The following OR9Q1 variants were observed in gnomAD, a reference collection of about 807,000 sequenced individuals.
OR9Q1 encodes the protein olfactory receptor 9Q1.
For missense variants in OR9Q1, 374 were observed against 378.8 expected (o/e 0.99, Z 0.11); for synonymous variants, 153 against 148.6 (o/e 1.03, Z -0.22).
chr11:58,111,698 G>T (rs1678056860), intron 2 of OR9Q1, among the ~76,000 whole-genome samples: 1 of 152,038 alleles, frequency 6.6e-6, no homozygotes, highest in Non-Finnish European at 1.5e-5. Context: ...CCTTCAGCCT[G>T]GGTTGCAGTT....
chr11:58,079,090 G>A (rs958426310), intron 2 of OR9Q1, among the ~76,000 whole-genome samples: 4 of 152,172 alleles, frequency 2.6e-5, no homozygotes, highest in South Asian at 2.1e-4. Context: ...TTTATTCTAC[G>A]TCAATGCATG....
At chr11:58,118,520 G>A (rs2120126223) in intron 2 of OR9Q1, 1 of 1,605,030 alleles carries the variant, frequency 6.2e-7, no homozygotes. Flanking sequence ...AGGGACACCT[G>A]GAGTCTCCTA....
intron 2 of OR9Q1, among the ~76,000 whole-genome samples, chr11:58,139,551 G>A (rs992353215): frequency 1.3e-4 from 20 of 151,382 alleles, no homozygotes; most frequent in Admixed American, 1.3e-4. Flanking sequence ...TTTTGTCTTT[G>A]CGATAGTTTG....
chr11:58,080,306 G>A (rs1853576066), intron 2 of OR9Q1, among the ~76,000 whole-genome samples: 1 of 151,970 alleles, frequency 6.6e-6, no homozygotes, highest in Admixed American at 6.6e-5. Context: ...TCCATGTTGC[G>A]GCAAGGGACA....
chr11:58,119,395 A>G, intron 2 of OR9Q1: 1 of 1,613,786 alleles, frequency 6.2e-7, no homozygotes, highest in Non-Finnish European at 8.5e-7. Context: ...GTGGTCCATA[A>G]AGCCCATGAG....
At chr11:58,138,053 C>T (rs1403029184) in intron 2 of OR9Q1, among the ~76,000 whole-genome samples, 1 of 152,276 alleles carries the variant, frequency 6.6e-6, no homozygotes, top group Non-Finnish European at 1.5e-5. Flanking sequence ...TGGCAGCACC[C>T]ACACTTGAAT....
chr11:58,138,558 T>C (rs1046840360), intron 2 of OR9Q1, among the ~76,000 whole-genome samples: 4 of 152,232 alleles, frequency 2.6e-5, no homozygotes, highest in Non-Finnish European at 4.4e-5. Flanking sequence ...GCACACAGCA[T>C]GCTGTTTCCA....
At chr11:58,063,973 G>C (rs1014305145) in intron 2 of OR9Q1, among the ~76,000 whole-genome samples, 4 of 152,152 alleles carry the variant, frequency 2.6e-5, no homozygotes, top group African/African-American at 9.7e-5. Context: ...CCTAGCCTGG[G>C]TTATAAATCT....
At chr11:58,083,824 G>T (rs1032070354) in intron 2 of OR9Q1, among the ~76,000 whole-genome samples, 2 of 151,918 alleles carry the variant, frequency 1.3e-5, no homozygotes, top group African/African-American at 4.8e-5. Flanking sequence ...CTATGTGTCT[G>T]GTTTTGTACC....
chr11:58,150,427 C>T (rs1409662231), intron 2 of OR9Q1, among the ~76,000 whole-genome samples: 1 of 152,058 alleles, frequency 6.6e-6, no homozygotes, highest in Admixed American at 6.6e-5. Context: ...GAGACCTTGC[C>T]TCTACAAAAA....
Position 58,180,408 on chromosome 11 carries a change from C to A in OR9Q1, c.*31C>A. The A allele has an allele frequency of 2.1e-6, 3 of 1,404,486 alleles. No individual in the cohort carries two copies. The highest frequency in any genetic ancestry group is 2.9e-6 in the Non-Finnish European group (3 of 1,020,732). 87.0% of individuals were successfully genotyped at this position (1,404,486 alleles called of 1,614,324 possible). A position where few individuals can be genotyped will look rare whatever the true frequency, so the allele number is the denominator to read the frequency against. On this transcript the variant is annotated 3_prime_UTR_variant, in exon 3 of 3. Transcript: ENST00000335397. ...TCCAAACTTGGAAAATCCCGAGAAC[C>A]ACCTACTCTGTAGTGTCAGAATTCT... is the stretch of plus-strand genomic sequence containing the variant.
chr11:58,124,914 C>T (rs1296819545), intron 2 of OR9Q1, among the ~76,000 whole-genome samples: 1 of 152,024 alleles, frequency 6.6e-6, no homozygotes, highest in Non-Finnish European at 1.5e-5. Context: ...TACAATGATC[C>T]TACAAAAAAG....
chr11:58,113,684 C>T (rs1207134874), intron 2 of OR9Q1, among the ~76,000 whole-genome samples: 1 of 152,058 alleles, frequency 6.6e-6, no homozygotes. Flanking sequence ...AACTATTGTC[C>T]CCTGCACTTG....
intron 2 of OR9Q1, among the ~76,000 whole-genome samples, chr11:58,067,063 G>T (rs1054408334): frequency 6.7e-6 from 1 of 148,722 alleles, no homozygotes; most frequent in South Asian, 2.1e-4. Flanking sequence ...ACAGAGTCTC[G>T]TTCTGTCGCC....
At chr11:58,168,075 C>T (rs1854522036) in intron 2 of OR9Q1, among the ~76,000 whole-genome samples, 3 of 152,316 alleles carry the variant, frequency 2.0e-5, no homozygotes, top group East Asian at 1.9e-4. Flanking sequence ...TTTTATTGGA[C>T]TTGAATTAAA....
At chr11:58,088,050 AG>A (rs577292914) in intron 2 of OR9Q1, among the ~76,000 whole-genome samples, 1 of 151,808 alleles carries the variant, frequency 6.6e-6, no homozygotes, top group South Asian at 2.1e-4. Flanking sequence ...TGTAGAGGCC[AG>A]GCTGGTTTCG....
chr11:58,133,455 G>T (rs1202520278), intron 2 of OR9Q1, among the ~76,000 whole-genome samples: 1 of 152,168 alleles, frequency 6.6e-6, no homozygotes, highest in Non-Finnish European at 1.5e-5. Context: ...GCTCAGGGTG[G>T]GGTCAAAGCT....
chr11:58,095,811 C>T (rs1853725571), intron 2 of OR9Q1, among the ~76,000 whole-genome samples: 1 of 152,026 alleles, frequency 6.6e-6, no homozygotes, highest in Non-Finnish European at 1.5e-5. Flanking sequence ...TCTCTTAAGA[C>T]AAGAGATTTT....
chr11:58,173,693 T>C (rs1384737702), intron 2 of OR9Q1, among the ~76,000 whole-genome samples: 1 of 152,104 alleles, frequency 6.6e-6, no homozygotes, highest in African/African-American at 2.4e-5. Flanking sequence ...AGTCATATTT[T>C]CTATCCCAGG....
Sources: allele counts gnomAD v4.1 joint callset (sites outside exome capture counted in the v4.1 genomes callset), GRCh38; gene constraint gnomAD v4.1.1; transcripts MANE v1.5; gene names NCBI Gene and HGNC (gene_info 2026-07-23, HGNC 2026-07-21).